Variants in RIMS2 observed in about 807,000 individuals in gnomAD.
RIMS2 encodes regulating synaptic membrane exocytosis protein 2.
Under a neutral mutation model 174.4 loss-of-function variants are expected in RIMS2, and 59 were observed. The ratio of observed to expected loss-of-function variants is 0.34; its 90% CI spans 0.27 to 0.42. The LOEUF is 0.42. Ranked by LOEUF, RIMS2 falls within the 10% of genes least tolerant of loss-of-function variation. The pLI, the probability that RIMS2 is intolerant of heterozygous loss-of-function variation, is 1.00. For missense variants in RIMS2, 1,620 were observed against 1,666.3 expected (o/e 0.97, Z 0.48); for synonymous variants, 606 against 572.5 (o/e 1.06, Z -0.84).
intron 1 of RIMS2, among the ~76,000 whole-genome samples, chr8:103,532,441 A>T (rs1263093465): frequency 6.6e-6 from 1 of 152,216 alleles, no homozygotes; most frequent in African/African-American, 2.4e-5. Flanking sequence ...TCTGATCCAG[A>T]GAATGGATCA....
chr8:103,816,792 T>C (rs2098721060), intron 3 of RIMS2, among the ~76,000 whole-genome samples: 1 of 152,228 alleles, frequency 6.6e-6, no homozygotes, highest in Admixed American at 6.5e-5. Flanking sequence ...TATCGTTGAC[T>C]CTTTCAAATG....
chr8:103,819,527 G>A (rs377178152), intron 3 of RIMS2: 11 of 1,612,232 alleles, frequency 6.8e-6, no homozygotes, highest in African/African-American at 1.3e-5. Context: ...GAGACATTGC[G>A]CCAGGTCTGC....
At chr8:103,744,942 G>C (rs1453595422) in intron 2 of RIMS2, among the ~76,000 whole-genome samples, 1 of 152,146 alleles carries the variant, frequency 6.6e-6, no homozygotes, top group Admixed American at 6.5e-5. Flanking sequence ...CTCAGGATCT[G>C]CTTGTAGAAA....
chr8:103,772,784 A>C (rs927937802), intron 3 of RIMS2, among the ~76,000 whole-genome samples: 3 of 152,178 alleles, frequency 2.0e-5, no homozygotes, highest in African/African-American at 7.2e-5. Context: ...TGGAGAGTCT[A>C]TATATAAAGC....
At chr8:103,813,096 T>G (rs2098698937) in intron 3 of RIMS2, among the ~76,000 whole-genome samples, 1 of 152,212 alleles carries the variant, frequency 6.6e-6, no homozygotes, top group Non-Finnish European at 1.5e-5. Flanking sequence ...TTTTAATGAT[T>G]CATTAGCTTT....
intron 4 of RIMS2, among the ~76,000 whole-genome samples, chr8:103,894,899 T>G (rs557291442): frequency 6.6e-6 from 1 of 151,628 alleles, no homozygotes; most frequent in South Asian, 2.1e-4. Context: ...ACAGTATGCA[T>G]TGTTCATTTT....
chr8:103,936,871 G>A (rs1441137868), intron 13 of RIMS2, 149 bp downstream of exon 15: 19 of 487,458 alleles, frequency 3.9e-5, no homozygotes, highest in East Asian at 1.1e-4. Context: ...CGAGGGGGGC[G>A]GATCACGAGG....
chr8:104,226,761 A>G (rs937980780), intron 19 of RIMS2, among the ~76,000 whole-genome samples: 4 of 152,180 alleles, frequency 2.6e-5, no homozygotes, highest in Non-Finnish European at 5.9e-5. Flanking sequence ...CTCATGAACC[A>G]AGCCAGTATC....
intron 3 of RIMS2, chr8:103,768,187 A>T (rs1398972572): frequency 1.1e-5 from 4 of 377,472 alleles, no homozygotes; most frequent in Non-Finnish European, 2.0e-5. Flanking sequence ...ACCAGTGGAG[A>T]TAGAATTTTT....
intron 16 of RIMS2, among the ~76,000 whole-genome samples, chr8:103,980,969 G>A (rs902537265): frequency 2.0e-5 from 3 of 152,184 alleles, no homozygotes; most frequent in Non-Finnish European, 4.4e-5. Flanking sequence ...CTCCCAGATA[G>A]CATCTGTGGA....
intron 2 of RIMS2, among the ~76,000 whole-genome samples, chr8:103,745,402 G>C (rs1335635521): frequency 6.6e-6 from 1 of 150,900 alleles, no homozygotes; most frequent in Admixed American, 6.6e-5. Flanking sequence ...TATACTTTTT[G>C]GCTATTGTGA....
chr8:103,741,741 C>T (rs1430068790), intron 2 of RIMS2, among the ~76,000 whole-genome samples: 3 of 152,070 alleles, frequency 2.0e-5, no homozygotes, highest in Non-Finnish European at 4.4e-5. Context: ...TTTGCCTTTT[C>T]ACATGCTTTA....
At chr8:104,110,754 A>T (rs2131706879) in intron 19 of RIMS2, among the ~76,000 whole-genome samples, 1 of 152,322 alleles carries the variant, frequency 6.6e-6, no homozygotes, top group East Asian at 1.9e-4. Flanking sequence ...TAAAAAAATT[A>T]TTCCACTATC....
At chr8:104,031,167 G>A (rs1195499934) in intron 19 of RIMS2, among the ~76,000 whole-genome samples, 1 of 151,900 alleles carries the variant, frequency 6.6e-6, no homozygotes, top group Non-Finnish European at 1.5e-5. Flanking sequence ...ATAAATGTTT[G>A]TCATTTATGA....
intron 19 of RIMS2, among the ~76,000 whole-genome samples, chr8:104,147,087 T>C (rs533597189): frequency 1.3e-5 from 2 of 152,176 alleles, no homozygotes; most frequent in Non-Finnish European, 2.9e-5. Context: ...TTTGGCTCTT[T>C]TAAACGATAA....
chr8:103,579,070 C>A (rs2093438445), intron 1 of RIMS2, among the ~76,000 whole-genome samples: 1 of 151,896 alleles, frequency 6.6e-6, no homozygotes, highest in Non-Finnish European at 1.5e-5. Flanking sequence ...CCCAGATACA[C>A]AAAAACTGGG....
intron 1 of RIMS2, among the ~76,000 whole-genome samples, chr8:103,640,679 G>A (rs1165110827): frequency 6.6e-6 from 1 of 151,948 alleles, no homozygotes; most frequent in African/African-American, 2.4e-5. Context: ...TAGTTGTGCT[G>A]TTAATTTATA....
chr8:104,000,944 C>A (rs1260858824), intron 17 of RIMS2, among the ~76,000 whole-genome samples: 3 of 151,646 alleles, frequency 2.0e-5, no homozygotes, highest in Non-Finnish European at 3.0e-5. Flanking sequence ...TGTTTGAGTT[C>A]CTTATATATT....
chr8:103,963,476 C>G (rs2090842983), intron 15 of RIMS2, among the ~76,000 whole-genome samples: 1 of 152,130 alleles, frequency 6.6e-6, no homozygotes, highest in South Asian at 2.1e-4. Context: ...TTCAGTTTTT[C>G]TAAGCTTGCA....
Sources: allele counts gnomAD v4.1 joint callset (sites outside exome capture counted in the v4.1 genomes callset), GRCh38; gene constraint gnomAD v4.1.1; transcripts MANE v1.5; gene names NCBI Gene and HGNC (gene_info 2026-07-23, HGNC 2026-07-21).